The following WWTR1 variants were observed in gnomAD, a reference collection of about 807,000 sequenced individuals.
WWTR1 encodes WW domain containing transcription regulator 1.
Under a neutral mutation model 40.1 loss-of-function variants are expected in WWTR1, and 13 were observed. That is an observed-to-expected ratio of 0.32 (90% CI 0.21 to 0.52). WWTR1 has a LOEUF of 0.52. WWTR1 is among the 20% of genes least tolerant of loss of function. WWTR1 has a pLI of 0.97. For missense variants in WWTR1, 436 were observed against 523.1 expected, an observed-to-expected ratio of 0.83 and a Z score of 1.63; for synonymous variants, 230 against 210.1, an observed-to-expected ratio of 1.09 and a Z score of -0.82.
chr3:149,536,167 G>C (rs927353739), intron 4 of WWTR1, among the ~76,000 whole-genome samples: 6 of 152,172 alleles, frequency 3.9e-5, no homozygotes, highest in Admixed American at 6.5e-5. Context: ...GTGAGGGAAG[G>C]GGCTGGGGTC....
chr3:149,547,645 C>T (rs901976853), intron 3 of WWTR1, among the ~76,000 whole-genome samples: 1 of 152,126 alleles, frequency 6.6e-6, no homozygotes, highest in Non-Finnish European at 1.5e-5. Flanking sequence ...AGCTCTAGAC[C>T]GTTGCCAGTC....
At chr3:149,643,317 TCTG>T (rs1385203364) in intron 2 of WWTR1, among the ~76,000 whole-genome samples, 1 of 152,174 alleles carries the variant, frequency 6.6e-6, no homozygotes, top group Non-Finnish European at 1.5e-5. Flanking sequence ...CCAAACATAA[TCTG>T]CTATTTTTAT....
chr3:149,593,111 A>G (rs1391793407), intron 2 of WWTR1, among the ~76,000 whole-genome samples: 2 of 152,222 alleles, frequency 1.3e-5, no homozygotes, highest in Non-Finnish European at 2.9e-5. Context: ...CAATGATTTA[A>G]GAAGGCTTCC....
intron 3 of WWTR1, among the ~76,000 whole-genome samples, chr3:149,560,333 G>A (rs1279998021): frequency 6.6e-6 from 1 of 152,210 alleles, no homozygotes; most frequent in African/African-American, 2.4e-5. Context: ...CACAAGCAAA[G>A]AAGACATGCT....
intron 3 of WWTR1, among the ~76,000 whole-genome samples, chr3:149,547,225 T>TAAA (rs55910448): frequency 7.8e-4 from 105 of 134,644 alleles, no homozygotes; most frequent in African/African-American, 2.6e-3. Context: ...ATAGTTCCAT[T>TAAA]AAAAAAAAAA....
chr3:149,698,276 G>A (rs368206139), intron 1 of WWTR1, among the ~76,000 whole-genome samples: 23 of 152,074 alleles, frequency 1.5e-4, no homozygotes, highest in African/African-American at 5.3e-4. Flanking sequence ...TACTGTTCTC[G>A]TGATAGTGAG....
chr3:149,712,587 G>A (rs539197867), intron 5 of WWTR1, among the ~76,000 whole-genome samples: 105 of 152,232 alleles, frequency 6.9e-4, no homozygotes, highest in African/African-American at 2.5e-3. Flanking sequence ...AAGTAAGTGC[G>A]ACCTGCAAAA....
chr3:149,523,631 C>T (rs1355593575), intron 6 of WWTR1, among the ~76,000 whole-genome samples: 1 of 152,148 alleles, frequency 6.6e-6, no homozygotes, highest in African/African-American at 2.4e-5. Context: ...CATGTTATTC[C>T]CTTTACTGGA....
upstream of WWTR1, among the ~76,000 whole-genome samples, chr3:149,662,212 G>A (rs970618248): frequency 3.3e-5 from 5 of 151,968 alleles, no homozygotes; most frequent in Admixed American, 2.6e-4. Flanking sequence ...TTCAGCCCAG[G>A]GTTGTAACTC....
At chr3:149,679,672 A>C (rs1472555523) in intron 1 of WWTR1, among the ~76,000 whole-genome samples, 3 of 152,078 alleles carry the variant, frequency 2.0e-5, no homozygotes, top group Non-Finnish European at 4.4e-5. Context: ...AAATGCCAAC[A>C]CAGAAAGGTA....
chr3:149,718,559 C>T (rs1715668203), intron 4 of WWTR1, among the ~76,000 whole-genome samples: 1 of 152,196 alleles, frequency 6.6e-6, no homozygotes, highest in South Asian at 2.1e-4. Flanking sequence ...GTTGTGCAAA[C>T]ATCACCAGCA....
chr3:149,528,371 G>A (rs1347490764), intron 4 of WWTR1, among the ~76,000 whole-genome samples: 1 of 152,162 alleles, frequency 6.6e-6, no homozygotes, highest in Non-Finnish European at 1.5e-5. Flanking sequence ...GTACATTCTG[G>A]TCTTTGCCAC....
Position 149,622,163 on chromosome 3 carries a change from C to G in WWTR1, c.431+34713G>C, listed in dbSNP as rs911657643. 2.0e-5 allele frequency among the ~76,000 whole-genome samples: 3 copies of G among 152,066 alleles called. No individual in the cohort carries two copies. In the South Asian group the frequency reaches 6.2e-4, roughly 32 times the overall value. ...AAAATCAGCAAGAGGCTTGTTTTAACCCAGACTTATGAGTTGTTTCTCTGA... is the reference window on the plus strand; with the variant it reads ...AAAATCAGCAAGAGGCTTGTTTTAAGCCAGACTTATGAGTTGTTTCTCTGA... On this transcript the variant is annotated intron_variant, in intron 2 of 6. Transcript: ENST00000360632.
intron 5 of WWTR1, among the ~76,000 whole-genome samples, chr3:149,716,889 A>C (rs575479790): frequency 2.0e-5 from 3 of 152,290 alleles, no homozygotes; most frequent in African/African-American, 4.8e-5. Context: ...AGAATCAAAA[A>C]TTATGGGCCA....
intron 4 of WWTR1, among the ~76,000 whole-genome samples, chr3:149,534,974 G>A (rs1454786548): frequency 6.6e-6 from 1 of 152,206 alleles, no homozygotes. Flanking sequence ...CCTGCAGCTT[G>A]CCTGTGGAAT....
chr3:149,589,884 T>G (rs1458241934), intron 2 of WWTR1, among the ~76,000 whole-genome samples: 1 of 152,198 alleles, frequency 6.6e-6, no homozygotes, highest in Non-Finnish European at 1.5e-5. Flanking sequence ...CAGTTGAATC[T>G]TATTCACATC....
At chr3:149,653,083 AT>A (rs1314036743) in intron 2 of WWTR1, among the ~76,000 whole-genome samples, 1 of 152,228 alleles carries the variant, frequency 6.6e-6, no homozygotes, top group African/African-American at 2.4e-5. Flanking sequence ...TATAGTCTGA[AT>A]TGTATTTAAG....
intron 2 of WWTR1, among the ~76,000 whole-genome samples, chr3:149,623,690 G>A (rs1165352220): frequency 6.6e-6 from 1 of 152,156 alleles, no homozygotes; most frequent in East Asian, 1.9e-4. Context: ...TGTATAAGTG[G>A]AAATTATGTA....
At chr3:149,606,762 C>G (rs1739507427) in intron 2 of WWTR1, among the ~76,000 whole-genome samples, 1 of 152,094 alleles carries the variant, frequency 6.6e-6, no homozygotes, top group African/African-American at 2.4e-5. Flanking sequence ...CCACATAAAA[C>G]TCAGGGAAAG....
Sources: gnomAD v4.1 joint callset for allele counts (sites outside exome capture counted in the v4.1 genomes callset) on GRCh38, gnomAD v4.1.1 for gene constraint, MANE v1.5 for transcripts, NCBI Gene and HGNC (gene_info 2026-07-23, HGNC 2026-07-21) for gene names.